Variants in GPATCH8 observed in about 807,000 individuals in gnomAD.
GPATCH8 encodes G-patch domain containing 8.
Under a neutral mutation model 118.3 loss-of-function variants are expected in GPATCH8, and 18 were observed. The ratio of observed to expected loss-of-function variants is 0.15; its 90% CI spans 0.11 to 0.23. The LOEUF (loss-of-function observed/expected upper bound fraction) is 0.23, where lower values mean the gene tolerates loss of function less well. Ranked by LOEUF, GPATCH8 falls within the 10% of genes least tolerant of loss-of-function variation. The pLI is 1.00. For synonymous variants in GPATCH8, 659 were observed against 684.7 expected (o/e 0.96, Z 0.59); for missense variants, 1,631 against 1,873.8 (o/e 0.87, Z 2.39).
chr17:44,481,666 C>G (rs1315445708), intron 1 of GPATCH8, among the ~76,000 whole-genome samples: 2 of 152,150 alleles, frequency 1.3e-5, no homozygotes, highest in Non-Finnish European at 1.5e-5. Context: ...GCGAATTTCA[C>G]TGTATCTTAA....
intron 1 of GPATCH8, among the ~76,000 whole-genome samples, chr17:44,477,958 C>T (rs1279446810): frequency 4.0e-5 from 6 of 149,368 alleles, no homozygotes; most frequent in East Asian, 4.0e-4. Context: ...TACAGGCACA[C>T]GCCACCACAC....
rs548805862 is a variant in GPATCH8 at position 44,402,218 on chromosome 17, G to A, written c.624-765C>T. Among the ~76,000 whole-genome samples, 3 of 150,396 alleles carry A rather than the reference G, an allele frequency of 2.0e-5. No individual in the cohort carries two copies. In the East Asian group the frequency reaches 5.9e-4, roughly 29 times the overall value. On this transcript the variant is annotated intron_variant, in intron 7 of 7. Coordinates refer to ENST00000591680, the MANE Select transcript of GPATCH8 (RefSeq NM_001002909.4). ...GTCTGTAATCCCAGCTACTCAGGAG[G>A]CTGAGGCAGAAGAATAACTTGAACC...
intron 3 of GPATCH8, among the ~76,000 whole-genome samples, chr17:44,463,411 G>C (rs1055328491): frequency 1.3e-5 from 2 of 152,190 alleles, no homozygotes; most frequent in Non-Finnish European, 2.9e-5. Context: ...TTTTGAGACG[G>C]AGTCTCACTC....
intron 6 of GPATCH8, chr17:44,408,965 C>G (rs1248270574): frequency 6.6e-6 from 1 of 152,148 alleles, no homozygotes; most frequent in African/African-American, 2.4e-5. Flanking sequence ...AATTCTCACC[C>G]CAACCTTGAG....
At chr17:44,416,025 C>CG (rs1233238568) in intron 6 of GPATCH8, among the ~76,000 whole-genome samples, 1 of 152,188 alleles carries the variant, frequency 6.6e-6, no homozygotes, top group Non-Finnish European at 1.5e-5. Context: ...GTTTTTGAGA[C>CG]GGAGTCTCAC....
intron 3 of GPATCH8, among the ~76,000 whole-genome samples, chr17:44,448,831 G>A (rs1242878935): frequency 6.6e-6 from 1 of 150,650 alleles, no homozygotes; most frequent in Admixed American, 6.6e-5. Flanking sequence ...ATACATTTTG[G>A]ATAAATTTAA....
chr17:44,439,727 C>A (rs1288829505), intron 3 of GPATCH8, among the ~76,000 whole-genome samples: 2 of 152,050 alleles, frequency 1.3e-5, no homozygotes, highest in South Asian at 2.1e-4. Context: ...GTAGTGATGA[C>A]CTCAAAAGGT....
intron 6 of GPATCH8, among the ~76,000 whole-genome samples, chr17:44,419,560 T>C (rs4792942): frequency 0.99 from 151,401 of 152,322 alleles, 75,246 homozygotes; most frequent in East Asian, 1. Flanking sequence ...GATCACAGCT[T>C]ATTGCAACCT....
chr17:44,423,962 T>C (rs1278201616), intron 6 of GPATCH8, among the ~76,000 whole-genome samples: 13 of 152,218 alleles, frequency 8.5e-5, no homozygotes, highest in Admixed American at 8.5e-4. Flanking sequence ...TGAAATCTTA[T>C]GTAGGGAACT....
intron 1 of GPATCH8, among the ~76,000 whole-genome samples, chr17:44,483,169 AAAAAAAAATATATATATATATATAT>A (rs1968429878): frequency 3.7e-5 from 1 of 26,858 alleles, no homozygotes; most frequent in Non-Finnish European, 8.0e-5. Flanking sequence ...AAAAAAAAAA[AAAAAAAAATATATATATATATATAT>A]ATATATATAT....
At chr17:44,408,695 A>G (rs2049320717) in intron 6 of GPATCH8, among the ~76,000 whole-genome samples, 1 of 152,194 alleles carries the variant, frequency 6.6e-6, no homozygotes, top group Non-Finnish European at 1.5e-5. Flanking sequence ...GCCACTCTGT[A>G]CAACCTTGAA....
chr17:44,431,346 C>T (rs1299662009), intron 5 of GPATCH8, among the ~76,000 whole-genome samples: 2 of 144,464 alleles, frequency 1.4e-5, no homozygotes, highest in South Asian at 2.2e-4. Context: ...TGCACTCCAG[C>T]CTGGGTGACA....
intron 1 of GPATCH8, among the ~76,000 whole-genome samples, chr17:44,475,642 C>T (rs1335559685): frequency 2.0e-5 from 3 of 151,670 alleles, no homozygotes; most frequent in Non-Finnish European, 4.4e-5. Context: ...TGCAGTGAGC[C>T]GAGATCGCAC....
chr17:44,448,394 T>C (rs971886519), intron 3 of GPATCH8, among the ~76,000 whole-genome samples: 5 of 142,368 alleles, frequency 3.5e-5, no homozygotes, highest in Middle Eastern at 3.9e-3. Context: ...CCTGTCTCTA[T>C]GAAAAAAATT....
intron 3 of GPATCH8, among the ~76,000 whole-genome samples, chr17:44,460,521 AAGAC>A (rs755197455): frequency 5.3e-5 from 8 of 152,190 alleles, no homozygotes; most frequent in Non-Finnish European, 8.8e-5. Flanking sequence ...ATTCAGTAAC[AAGAC>A]ATCAGCACTG....
intron 2 of GPATCH8, among the ~76,000 whole-genome samples, chr17:44,472,846 C>A (rs1346966450): frequency 2.6e-5 from 4 of 151,824 alleles, no homozygotes; most frequent in African/African-American, 7.3e-5. Flanking sequence ...CAGGTGCCTA[C>A]CACTGCGCCC....
chr17:44,489,662 T>C (rs1323514630), intron 1 of GPATCH8, among the ~76,000 whole-genome samples: 1 of 152,112 alleles, frequency 6.6e-6, no homozygotes, highest in African/African-American at 2.4e-5. Flanking sequence ...TTTTGAATGT[T>C]ATACTAGAAA....
Position 44,395,778 on chromosome 17 carries a change from A to G in GPATCH8, c.*1790T>C, listed in dbSNP as rs796643443. ...CAGGTAAGTATGGTTTTTCTTGTCA[A>G]GTGACCAACCAACCAATTCTAGCCA... On this transcript the variant is annotated 3_prime_UTR_variant, in exon 8 of 8. Coordinates refer to ENST00000591680, the MANE Select transcript of GPATCH8 (RefSeq NM_001002909.4). The G allele has an allele frequency of 5.1e-5, 23 of 454,150 alleles. No homozygotes were observed. The highest frequency in any genetic ancestry group is 4.4e-4 in the African/African-American group (22 of 50,126). 28.1% of individuals were successfully genotyped at this position (454,150 alleles called of 1,614,324 possible).
At chr17:44,458,256 A>AG (rs1491369158) in intron 3 of GPATCH8, among the ~76,000 whole-genome samples, 1 of 112,586 alleles carries the variant, frequency 8.9e-6, no homozygotes, top group Non-Finnish European at 2.0e-5. Context: ...GTCTCAAAGG[A>AG]AAAAAAAAAA....
Sources: allele counts gnomAD v4.1 joint callset (sites outside exome capture counted in the v4.1 genomes callset), GRCh38; gene constraint gnomAD v4.1.1; transcripts MANE v1.5; gene names NCBI Gene and HGNC (gene_info 2026-07-23, HGNC 2026-07-21).